The following CCDC149 variants were observed in gnomAD, a reference collection of about 807,000 sequenced individuals.
CCDC149 encodes coiled-coil domain-containing protein 149.
Under a neutral mutation model 59.9 loss-of-function variants are expected in CCDC149, and 45 were observed. The observed-to-expected ratio is 0.75, with a 90% CI of 0.59 to 0.96. The LOEUF (loss-of-function observed/expected upper bound fraction) is 0.96. Among genes scored for constraint, CCDC149 ranks in the 40% least tolerant of loss-of-function variants. The pLI is 0.00. For missense variants in CCDC149, 584 were observed against 664.7 expected, an observed-to-expected ratio of 0.88 and a Z score of 1.33; for synonymous variants, 245 against 260.6, an observed-to-expected ratio of 0.94 and a Z score of 0.58.
chr4:24,871,862 A>T lies in CCDC149; in HGVS notation c.264+1819T>A, dbSNP rs537332101. Among the ~76,000 whole-genome samples, 11 of 152,204 alleles carry T rather than the reference A, an allele frequency of 7.2e-5. No individual in the cohort carries two copies. In the East Asian group the frequency reaches 1.9e-3, roughly 27 times the overall value. On this transcript the variant is annotated intron_variant, in intron 3 of 12. Coordinates refer to ENST00000635206, the MANE Select transcript of CCDC149 (RefSeq NM_001330643.2). ...ATCAGATTCTCCTTAGTCAATGTAA[A>T]TTTTTTTTATTATAAAGCCACAGAA...
chr4:24,841,258 T>C (rs1333389451), intron 4 of CCDC149, among the ~76,000 whole-genome samples: 3 of 152,260 alleles, frequency 2.0e-5, no homozygotes, highest in African/African-American at 7.2e-5. Flanking sequence ...ACTGACAGCC[T>C]GAACTTTAAG....
intron 1 of CCDC149, among the ~76,000 whole-genome samples, chr4:24,977,449 C>A (rs1261421537): frequency 6.6e-6 from 1 of 152,210 alleles, no homozygotes; most frequent in Non-Finnish European, 1.5e-5. Context: ...CACTCCCCAA[C>A]ACCTCTGTTA....
intron 4 of CCDC149, among the ~76,000 whole-genome samples, chr4:24,845,448 C>T (rs950315206): frequency 1.7e-4 from 26 of 152,282 alleles, no homozygotes; most frequent in Admixed American, 1.3e-4. Context: ...CATATTATAC[C>T]GCAGTTCATC....
intron 12 of CCDC149, among the ~76,000 whole-genome samples, chr4:24,813,346 C>T (rs13142368): frequency 0.18 from 27,904 of 151,550 alleles, 2,716 homozygotes; most frequent in East Asian, 0.3. Flanking sequence ...TAGTCTGTTA[C>T]AGCAGCCTGA....
chr4:24,817,309 A>T (rs1227411481), intron 12 of CCDC149, among the ~76,000 whole-genome samples: 1 of 152,164 alleles, frequency 6.6e-6, no homozygotes, highest in Non-Finnish European at 1.5e-5. Context: ...ATGGTGTTCC[A>T]GGCCAGCCTT....
chr4:24,863,156 G>A (rs1319300672), intron 3 of CCDC149, among the ~76,000 whole-genome samples: 1 of 152,086 alleles, frequency 6.6e-6, no homozygotes, highest in African/African-American at 2.4e-5. Flanking sequence ...AGCCGGGCGT[G>A]GCGGTATGCA....
At chr4:24,920,088 T>G (rs1423823889) in intron 1 of CCDC149, among the ~76,000 whole-genome samples, 1 of 152,216 alleles carries the variant, frequency 6.6e-6, no homozygotes, top group Non-Finnish European at 1.5e-5. Context: ...TTGAAGGTAT[T>G]TGAAGTTCAT....
At chr4:24,809,604 A>C (rs113113696) in intron 12 of CCDC149, among the ~76,000 whole-genome samples, 10,738 of 152,208 alleles carry the variant, frequency 0.071, 1,267 homozygotes, top group African/African-American at 0.24. Context: ...AGCTCTTAGT[A>C]CCCGGGCATG....
chr4:24,959,968 A>G (rs1385883261), intron 1 of CCDC149, among the ~76,000 whole-genome samples: 6 of 152,244 alleles, frequency 3.9e-5, no homozygotes, highest in Non-Finnish European at 8.8e-5. Flanking sequence ...TCAAAAAGGA[A>G]TGAGGAGCAT....
rs1715359140 is a variant in CCDC149, at chr4:24,821,069, G to T, written c.1061C>A (p.Ser354Ter). The T allele has an allele frequency of 8.1e-7, 1 of 1,231,032 alleles. No homozygotes were observed. Among genetic ancestry groups the T allele is most frequent in the African/African-American group, 1.6e-5 (1 of 64,368 alleles). The allele number at this position is 1,231,032 out of a possible 1,614,324, so 76.3% of individuals were successfully genotyped here. A position where few individuals can be genotyped will look rare whatever the true frequency, so the allele number is the denominator to read the frequency against. Residue 354 changes from serine (S) to a stop codon, truncating the protein, a stop_gained, in exon 11 of 13, where the codon TCA (serine) becomes TAA (stop). Coordinates refer to ENST00000635206, the MANE Select transcript of CCDC149 (RefSeq NM_001330643.2). LOFTEE classifies it high-confidence loss of function. ...ACAGAACATACTCCCAAATCCTACT[G>T]AAACATTGTAGCTCAGGCCTTCAGG...
At chr4:24,810,415 C>T (rs1428596159) in intron 12 of CCDC149, among the ~76,000 whole-genome samples, 3 of 152,110 alleles carry the variant, frequency 2.0e-5, no homozygotes, top group Admixed American at 6.5e-5. Flanking sequence ...GGATGAGAAA[C>T]AAAATATTAC....
chr4:24,831,663 C>G lies in CCDC149; in HGVS notation c.821-13G>C. The G allele has an allele frequency of 9.9e-6, 16 of 1,610,260 alleles. No homozygotes were observed. The highest frequency in any genetic ancestry group is 1.4e-5 in the Non-Finnish European group (16 of 1,178,364). ...AGCAGATCCTGAACTAGATAGGATA[C>G]AAAATGTATAACTCAGTCGTCATTC... On this transcript the variant is annotated splice_polypyrimidine_tract_variant and intron_variant, in intron 8 of 12. Coordinates refer to ENST00000635206, the MANE Select transcript of CCDC149 (RefSeq NM_001330643.2).
At chr4:24,921,273 G>A (rs2076665460) in intron 1 of CCDC149, among the ~76,000 whole-genome samples, 1 of 152,154 alleles carries the variant, frequency 6.6e-6, no homozygotes, top group Admixed American at 6.5e-5. Context: ...ATGATCCCAG[G>A]CCTGATACTC....
chr4:24,829,480 A>G (rs1016976038), intron 9 of CCDC149: 6 of 152,156 alleles, frequency 3.9e-5, no homozygotes, highest in African/African-American at 1.4e-4. Flanking sequence ...TGGGAAAAGG[A>G]AATGAGACAG....
At chr4:24,903,046 A>AAAAAG (rs1177079949) in intron 1 of CCDC149, among the ~76,000 whole-genome samples, 1 of 148,754 alleles carries the variant, frequency 6.7e-6, no homozygotes, top group Non-Finnish European at 1.5e-5. Context: ...AAAAAAAAAA[A>AAAAAG]AGAGTATTTT....
At position 24,821,064 on chromosome 4, in the gene CCDC149, C is replaced by T. The variant is rs1715358673; in HGVS notation, c.1066G>A (p.Gly356Arg). ...TTTAAACAGAACATACTCCCAAATC[C>T]TACTGAAACATTGTAGCTCAGGCCT... The change falls in exon 11 of 13, where the codon GGA becomes AGA. Residue 356 changes from glycine to arginine, a missense_variant. Gly to Arg is a moderately radical substitution (Grantham distance 125, BLOSUM62 -2). Transcript: ENST00000635206. 3.2e-6 allele frequency: 4 copies of T among 1,231,042 alleles called. No individual in the cohort carries two copies. The highest frequency in any genetic ancestry group is 4.1e-6 in the Non-Finnish European group (4 of 987,570). 76.3% of individuals were successfully genotyped at this position (1,231,042 alleles called of 1,614,324 possible).
chr4:24,938,270 A>AT (rs1722840707), intron 1 of CCDC149, among the ~76,000 whole-genome samples: 1 of 152,048 alleles, frequency 6.6e-6, no homozygotes, highest in Non-Finnish European at 1.5e-5. Flanking sequence ...GAGGAATATT[A>AT]TTTTTTTTCC....
At chr4:24,874,275 GT>G (rs869276822) in intron 2 of CCDC149, among the ~76,000 whole-genome samples, 3 of 33,844 alleles carry the variant, frequency 8.9e-5, no homozygotes, top group Non-Finnish European at 1.6e-4. Context: ...GTTTTTTTTT[GT>G]TTTTTTGCCT....
chr4:24,912,809 G>A lies in CCDC149; in HGVS notation c.63+8C>T. 7.5e-7 allele frequency: 1 copy of A among 1,327,960 alleles called. No homozygotes were observed. The highest frequency in any genetic ancestry group is 9.8e-7 in the Non-Finnish European group (1 of 1,025,120). The allele number at this position is 1,327,960 out of a possible 1,614,324, so 82.3% of individuals were successfully genotyped here. On this transcript the variant is annotated splice_region_variant and intron_variant, in intron 1 of 12. Transcript: ENST00000635206. Reference sequence around the variant, plus strand: ...GCCCATCCCGCCTGGCCGGCGCCGCGGCCTCACCTCGCTCACCAGCCCCTG... The same window carrying A: ...GCCCATCCCGCCTGGCCGGCGCCGCAGCCTCACCTCGCTCACCAGCCCCTG...
Sources: allele counts gnomAD v4.1 joint callset (sites outside exome capture counted in the v4.1 genomes callset), GRCh38; gene constraint gnomAD v4.1.1; transcripts MANE v1.5; gene names NCBI Gene and HGNC (gene_info 2026-07-23, HGNC 2026-07-21).